The following MPP7 variants were observed in gnomAD, a reference collection of about 807,000 sequenced individuals.
MPP7 encodes MAGUK p55 subfamily member 7.
MPP7 carries 60 observed loss-of-function variants against 76.5 expected under a neutral mutation model. The observed-to-expected ratio is 0.78, with a 90% CI of 0.64 to 0.97. The LOEUF (loss-of-function observed/expected upper bound fraction) is 0.97, where lower values mean the gene tolerates loss of function less well. MPP7 is among the 50% of genes least tolerant of loss of function. The probability of loss-of-function intolerance (pLI) is 0.00; values close to 1 mark genes in which losing one functional copy is unlikely to be tolerated. For synonymous variants in MPP7, 237 were observed against 244.5 expected (o/e 0.97, Z 0.29); for missense variants, 641 against 694.0 (o/e 0.92, Z 0.86).
chr10:28,299,766 C>CTTTTTT lies in MPP7; in HGVS notation c.-132+3089_-132+3094dup, dbSNP rs59047415. ...GTATCTCATTTAACAAAATTCAAGA[C>CTTTTTT]TTTTTTTTTTTTTTTTTGAGACGGA... On this transcript the variant is annotated intron_variant, in intron 1 of 16. Transcript: ENST00000683449. Among the ~76,000 whole-genome samples the CTTTTTT allele has an allele frequency of 7.7e-3, 1,022 of 132,694 alleles. 26 individuals carry two copies. The highest frequency in any genetic ancestry group is 0.05 in the East Asian group (197 of 3,944). 87.1% of individuals were successfully genotyped at this position (132,694 alleles called of 152,430 possible). A position where few individuals can be genotyped will look rare whatever the true frequency, so the allele number is the denominator to read the frequency against.
At chr10:28,115,924 G>T (rs1178843344) in intron 11 of MPP7, among the ~76,000 whole-genome samples, 2 of 152,066 alleles carry the variant, frequency 1.3e-5, no homozygotes, top group East Asian at 3.8e-4. Flanking sequence ...TTGAAAAATT[G>T]TACATTCTTG....
intron 1 of MPP7, among the ~76,000 whole-genome samples, chr10:28,249,638 T>A (rs1839548828): frequency 6.6e-6 from 1 of 152,126 alleles, no homozygotes; most frequent in Non-Finnish European, 1.5e-5. Flanking sequence ...TGCTCCCTTT[T>A]CCCCGAGTAA....
chr10:28,062,531 AACACACACACACACACAC>A (rs56923979), intron 13 of MPP7, among the ~76,000 whole-genome samples: 1,460 of 132,382 alleles, frequency 0.011, 40 homozygotes, highest in African/African-American at 0.038. Flanking sequence ...CATAATAGTA[AACACACACACACACACAC>A]ACACACACAC....
chr10:28,274,101 CTTTTTTTTT>C (rs60127503), intron 1 of MPP7, among the ~76,000 whole-genome samples: 2 of 123,662 alleles, frequency 1.6e-5, no homozygotes, highest in Admixed American at 8.3e-5. Context: ...AAATTTTTTT[CTTTTTTTTT>C]TTTTTTTTTT....
chr10:28,310,819 C>T (rs1308050187), intron 2 of MPP7, among the ~76,000 whole-genome samples: 1 of 152,170 alleles, frequency 6.6e-6, no homozygotes, highest in African/African-American at 2.4e-5. Flanking sequence ...CTGATAGACT[C>T]ATTGGAATTC....
chr10:28,271,986 A>G (rs1300729002), intron 1 of MPP7, among the ~76,000 whole-genome samples: 1 of 151,438 alleles, frequency 6.6e-6, no homozygotes, highest in Non-Finnish European at 1.5e-5. Flanking sequence ...AAAAACAAAC[A>G]AAAAAAAGAT....
chr10:28,193,459 C>G (rs913941279), intron 3 of MPP7, among the ~76,000 whole-genome samples: 1 of 152,132 alleles, frequency 6.6e-6, no homozygotes, highest in Non-Finnish European at 1.5e-5. Context: ...GATCCGCCCG[C>G]CTCGGCCTCC....
At chr10:28,072,930 C>A (rs1564617084) in intron 12 of MPP7, among the ~76,000 whole-genome samples, 1 of 152,104 alleles carries the variant, frequency 6.6e-6, no homozygotes. Flanking sequence ...GCCAATGAAA[C>A]CACCCATCTA....
chr10:28,204,259 A>G (rs1050694626), intron 2 of MPP7, among the ~76,000 whole-genome samples: 3 of 152,074 alleles, frequency 2.0e-5, no homozygotes, highest in Admixed American at 6.6e-5. Flanking sequence ...CCTGGCCAAC[A>G]TGGTGAAACC....
intron 11 of MPP7, among the ~76,000 whole-genome samples, chr10:28,115,072 T>TTTTG (rs59333090): frequency 0.31 from 46,288 of 151,206 alleles, 9,623 homozygotes; most frequent in East Asian, 0.83. Flanking sequence ...ACGTTAGGTT[T>TTTTG]TTTGTTTGTT....
intron 12 of MPP7, among the ~76,000 whole-genome samples, chr10:28,080,695 A>G (rs76356834): frequency 0.012 from 1,833 of 152,330 alleles, 54 homozygotes; most frequent in East Asian, 0.11. Context: ...AAGTCTGAAA[A>G]TAAATATTTA....
chr10:28,155,598 C>CAAAAAAAAAAAAAAA (rs71391013), intron 3 of MPP7, among the ~76,000 whole-genome samples: 1 of 124,668 alleles, frequency 8.0e-6, no homozygotes, highest in African/African-American at 3.3e-5. Flanking sequence ...ACCCTGTCTC[C>CAAAAAAAAAAAAAAA]AAAAAAAAAA....
chr10:28,296,478 T>A (rs979335427), intron 1 of MPP7, among the ~76,000 whole-genome samples: 3 of 152,228 alleles, frequency 2.0e-5, no homozygotes, highest in Non-Finnish European at 4.4e-5. Context: ...AAGTCCAAAG[T>A]TGTCTTCAAA....
chr10:28,251,881 G>A (rs912101755), intron 1 of MPP7, among the ~76,000 whole-genome samples: 9 of 152,066 alleles, frequency 5.9e-5, no homozygotes, highest in Admixed American at 1.3e-4. Flanking sequence ...ACACAGTAAT[G>A]ACCCCCATCT....
intron 3 of MPP7, among the ~76,000 whole-genome samples, chr10:28,157,456 T>C (rs1836104948): frequency 6.6e-6 from 1 of 152,180 alleles, no homozygotes; most frequent in Non-Finnish European, 1.5e-5. Context: ...GTATGGAAAA[T>C]GACTATTAGA....
At chr10:28,331,224 T>C (rs1834467281) in intron 1 of MPP7, among the ~76,000 whole-genome samples, 6 of 152,172 alleles carry the variant, frequency 3.9e-5, no homozygotes. Flanking sequence ...TGGCTTCCCA[T>C]CTCAGTGGCT....
chr10:28,225,751 T>G (rs1314746812), intron 2 of MPP7, among the ~76,000 whole-genome samples: 1 of 152,220 alleles, frequency 6.6e-6, no homozygotes, highest in African/African-American at 2.4e-5. Context: ...GAAAATAGGT[T>G]GGTGGTTCCT....
intron 3 of MPP7, among the ~76,000 whole-genome samples, chr10:28,197,181 C>CT (rs11330044): frequency 0.014 from 1,568 of 115,200 alleles, 36 homozygotes; most frequent in African/African-American, 0.046. Context: ...GAGCAACTTC[C>CT]TTTTTTTTTT....
At chr10:28,229,205 TAAGAAAAA>T (rs1417991756) in intron 2 of MPP7, among the ~76,000 whole-genome samples, 1 of 151,890 alleles carries the variant, frequency 6.6e-6, no homozygotes, top group Non-Finnish European at 1.5e-5. Flanking sequence ...TGCAGACATC[TAAGAAAAA>T]AAGAAAATAA....
Sources: allele counts gnomAD v4.1 joint callset (sites outside exome capture counted in the v4.1 genomes callset), GRCh38; gene constraint gnomAD v4.1.1; transcripts MANE v1.5; gene names NCBI Gene and HGNC (gene_info 2026-07-23, HGNC 2026-07-21).